The following CHD9 variants were observed in gnomAD, a reference collection of about 807,000 sequenced individuals.
CHD9 encodes the protein chromodomain helicase DNA binding protein 9, also known as ATP-dependent chromatin remodeler CHD9.
A neutral mutation model predicts 316.1 loss-of-function variants in CHD9; 77 were observed. The ratio of observed to expected loss-of-function variants is 0.24; its 90% CI spans 0.20 to 0.29. The LOEUF (loss-of-function observed/expected upper bound fraction) is 0.29, where lower values mean the gene tolerates loss of function less well. Ranked by LOEUF, CHD9 falls within the 10% of genes least tolerant of loss-of-function variation. The pLI, the probability that CHD9 is intolerant of heterozygous loss-of-function variation, is 1.00. For synonymous variants in CHD9, 1,129 were observed against 1,158.3 expected (o/e 0.97, Z 0.51); for missense variants, 2,763 against 3,438.1 (o/e 0.80, Z 4.91).
intron 16 of CHD9, among the ~76,000 whole-genome samples, chr16:53,248,322 C>T (rs1383003520): frequency 2.9e-5 from 4 of 138,058 alleles, no homozygotes; most frequent in African/African-American, 1.1e-4. Context: ...GGCGACAGAG[C>T]GAAACTCTGT....
intron 1 of CHD9, among the ~76,000 whole-genome samples, chr16:53,109,513 C>G (rs1181087720): frequency 7.1e-6 from 1 of 140,106 alleles, no homozygotes; most frequent in Admixed American, 7.2e-5. Flanking sequence ...TTTTGTATTT[C>G]TAGTAGAGAC....
intron 1 of CHD9, among the ~76,000 whole-genome samples, chr16:53,105,911 G>A (rs1011926768): frequency 6.0e-5 from 9 of 150,970 alleles, no homozygotes; most frequent in Admixed American, 4.6e-4. Context: ...CAGCCTCCGC[G>A]TCCTGGGTTC....
chr16:53,193,380 C>T (rs943059924), intron 2 of CHD9, among the ~76,000 whole-genome samples: 1 of 151,544 alleles, frequency 6.6e-6, no homozygotes, highest in Non-Finnish European at 1.5e-5. Context: ...ACCCGGGAGG[C>T]AGAGCTTGCA....
intron 2 of CHD9, among the ~76,000 whole-genome samples, chr16:53,206,648 CTG>C (rs1400346004): frequency 7.2e-5 from 11 of 152,112 alleles, no homozygotes; most frequent in Non-Finnish European, 1.3e-4. Flanking sequence ...CAGGGTTGTT[CTG>C]AAGATTGAGT....
intron 2 of CHD9, among the ~76,000 whole-genome samples, chr16:53,182,966 T>G (rs2043654828): frequency 6.6e-6 from 1 of 152,210 alleles, no homozygotes; most frequent in South Asian, 2.1e-4. Context: ...AGACTATATA[T>G]TAGCTAACTT....
intron 1 of CHD9, among the ~76,000 whole-genome samples, chr16:53,087,484 C>T (rs1160436227): frequency 9.9e-5 from 15 of 152,218 alleles, no homozygotes; most frequent in African/African-American, 3.4e-4. Context: ...AGCCAGGAGA[C>T]TTGATTCAAA....
intron 1 of CHD9, among the ~76,000 whole-genome samples, chr16:53,146,668 A>C (rs1307831542): frequency 6.8e-6 from 1 of 147,060 alleles, no homozygotes; most frequent in Admixed American, 6.8e-5. Context: ...GTATGGTGAC[A>C]CATGCCTGTA....
At chr16:53,286,942 T>C (rs993808659) in intron 26 of CHD9, among the ~76,000 whole-genome samples, 9 of 152,146 alleles carry the variant, frequency 5.9e-5, no homozygotes, top group Admixed American at 2.0e-4. Context: ...CTGTACATGT[T>C]CAGTACAGAT....
chr16:53,179,205 C>G (rs1197572570), intron 2 of CHD9, among the ~76,000 whole-genome samples: 1 of 152,138 alleles, frequency 6.6e-6, no homozygotes, highest in African/African-American at 2.4e-5. Context: ...TTAGACATCT[C>G]CCAAGAATGA....
At chr16:53,060,920 CTTTTTTTTTT>C (rs549828992) in intron 1 of CHD9, among the ~76,000 whole-genome samples, 3 of 99,414 alleles carry the variant, frequency 3.0e-5, no homozygotes, top group East Asian at 2.8e-4. Context: ...GATGTTGTCT[CTTTTTTTTTT>C]TTTTTTTTTT....
chr16:53,286,499 C>T (rs1420574166), intron 26 of CHD9, among the ~76,000 whole-genome samples, 156 bp downstream of exon 26: 1 of 152,192 alleles, frequency 6.6e-6, no homozygotes, highest in African/African-American at 2.4e-5. Flanking sequence ...TAGGTTAGCA[C>T]TTATCCAACA....
intron 2 of CHD9, among the ~76,000 whole-genome samples, chr16:53,173,503 T>C (rs1391475969): frequency 3.3e-5 from 5 of 152,098 alleles, no homozygotes; most frequent in South Asian, 2.1e-4. Context: ...ATTTATGCTA[T>C]CTTCATTATT....
intron 2 of CHD9, among the ~76,000 whole-genome samples, chr16:53,177,323 G>A (rs2043160981): frequency 6.6e-6 from 1 of 152,072 alleles, no homozygotes; most frequent in Non-Finnish European, 1.5e-5. Context: ...CAGACTTAAG[G>A]CATGAACCCA....
chr16:53,188,306 G>A (rs2044197853), intron 2 of CHD9, among the ~76,000 whole-genome samples: 1 of 152,096 alleles, frequency 6.6e-6, no homozygotes, highest in Non-Finnish European at 1.5e-5. Flanking sequence ...TCCCATACAG[G>A]CTTTCTTTTC....
In CHD9 at chr16:53,324,350, G is replaced by A; in HGVS notation, c.8149G>A (p.Gly2717Arg). 6.2e-7 allele frequency: 1 copy of A among 1,614,016 alleles called. No homozygotes were observed. Among genetic ancestry groups the A allele is most frequent in the Non-Finnish European group, 8.5e-7 (1 of 1,179,894 alleles). ...MAAMFPMLLS[G>R]MAGLPNLLGM... ...TGCTATGTTCCCCATGCTGCTGTCA[G>A]GAATGGCTGGATTACCAAATCTGTT... Residue 2717 changes from glycine (G) to arginine (R), a missense_variant, in exon 39 of 39, where the codon GGA becomes AGA. Gly to Arg is a moderately radical substitution (Grantham distance 125). Coordinates refer to ENST00000447540, the MANE Select transcript of CHD9 (RefSeq NM_001308319.2).
intron 27 of CHD9, 128 bp from the exon 28 acceptor site, chr16:53,291,597 A>C: frequency 1.7e-6 from 1 of 592,844 alleles, no homozygotes; most frequent in South Asian, 2.5e-5. Context: ...ATTTTTGCTA[A>C]ATTAATTATT....
intron 3 of CHD9, among the ~76,000 whole-genome samples, chr16:53,217,836 G>GC (rs1174064563): frequency 6.6e-6 from 1 of 151,824 alleles, no homozygotes; most frequent in Non-Finnish European, 1.5e-5. Flanking sequence ...GAACTCCTAG[G>GC]CTCAAGTCTT....
chr16:53,201,707 T>G (rs145580429), intron 2 of CHD9, among the ~76,000 whole-genome samples: 50 of 152,320 alleles, frequency 3.3e-4, no homozygotes, highest in East Asian at 2.3e-3. Flanking sequence ...TGGCCACTGT[T>G]GCATCTGTAC....
intron 1 of CHD9, among the ~76,000 whole-genome samples, chr16:53,140,497 C>T (rs971068948): frequency 6.6e-6 from 1 of 151,884 alleles, no homozygotes; most frequent in Non-Finnish European, 1.5e-5. Flanking sequence ...AACAACTAGA[C>T]CTGACTCAGT....
Sources: allele counts gnomAD v4.1 joint callset (sites outside exome capture counted in the v4.1 genomes callset), GRCh38; gene constraint gnomAD v4.1.1; transcripts MANE v1.5; gene names NCBI Gene and HGNC (gene_info 2026-07-23, HGNC 2026-07-21).